The following ZMYND8 variants were observed in gnomAD, a reference collection of about 807,000 sequenced individuals.
ZMYND8 encodes MYND-type zinc finger-containing chromatin reader ZMYND8.
Under a neutral mutation model 140.8 loss-of-function variants are expected in ZMYND8, and 37 were observed. The observed-to-expected ratio is 0.26, with a 90% CI of 0.20 to 0.35. The LOEUF (loss-of-function observed/expected upper bound fraction) is 0.35. Among genes scored for constraint, ZMYND8 ranks in the 10% least tolerant of loss-of-function variants. ZMYND8 has a pLI of 1.00. For synonymous variants in ZMYND8, 592 were observed against 597.1 expected (o/e 0.99, Z 0.12); for missense variants, 1,068 against 1,570.0 (o/e 0.68, Z 5.40).
intron 16 of ZMYND8, among the ~76,000 whole-genome samples, chr20:47,232,777 C>T (rs923832729): frequency 2.6e-5 from 4 of 152,078 alleles, no homozygotes; most frequent in South Asian, 4.1e-4. Context: ...ATATCACTAA[C>T]GAAAAAATTA....
intron 2 of ZMYND8, among the ~76,000 whole-genome samples, chr20:47,339,395 C>T (rs906019983): frequency 1.3e-5 from 2 of 152,218 alleles, no homozygotes; most frequent in African/African-American, 4.8e-5. Flanking sequence ...ATTCTCACCA[C>T]CTGACAGACC....
chr20:47,304,280 T>C (rs577155115), intron 3 of ZMYND8, among the ~76,000 whole-genome samples: 7 of 152,338 alleles, frequency 4.6e-5, no homozygotes, highest in East Asian at 1.9e-4. Flanking sequence ...GCTTCTGGAA[T>C]ACCTTCAATG....
Position 47,277,595 on chromosome 20 carries a change from A to G in ZMYND8, c.999-800T>C, listed in dbSNP as rs147120123. Among the ~76,000 whole-genome samples, 894 of 152,324 alleles carry G rather than the reference A, an allele frequency of 5.9e-3. 1 individual carries two copies. The highest frequency in any genetic ancestry group is 0.014 in the Admixed American group (208 of 15,304). On this transcript the variant is annotated intron_variant, in intron 10 of 22. Coordinates refer to ENST00000471951, the MANE Select transcript of ZMYND8 (RefSeq NM_001281775.3). ...TTTCTGGCTGGAAAAACTGGCGAGA[A>G]TAAGCTTTCCAAGGAAGGCTTTTGT... is the stretch of plus-strand genomic sequence containing the variant.
intron 12 of ZMYND8, among the ~76,000 whole-genome samples, chr20:47,251,286 T>C (rs2074147212): frequency 6.6e-6 from 1 of 152,044 alleles, no homozygotes; most frequent in Non-Finnish European, 1.5e-5. Context: ...GGGTGAAGAA[T>C]GTGCAAATTT....
chr20:47,233,002 G>A (rs1045736095), intron 16 of ZMYND8, among the ~76,000 whole-genome samples: 28 of 151,206 alleles, frequency 1.9e-4, no homozygotes, highest in Middle Eastern at 6.8e-3. Flanking sequence ...CATCCCCTGG[G>A]TTCAAGCAAT....
At chr20:47,331,297 T>C (rs1388269523) in intron 2 of ZMYND8, among the ~76,000 whole-genome samples, 1 of 152,198 alleles carries the variant, frequency 6.6e-6, no homozygotes, top group Non-Finnish European at 1.5e-5. Context: ...GAGGCCACTG[T>C]AGTTCAATGG....
At chr20:47,257,347 TATACACACATAC>T (rs1196805681) in intron 12 of ZMYND8, among the ~76,000 whole-genome samples, 25 of 152,000 alleles carry the variant, frequency 1.6e-4, no homozygotes, top group Admixed American at 1.6e-3. Flanking sequence ...ACACTCACCA[TATACACACATAC>T]ATACACACAA....
At chr20:47,323,812 G>A (rs2080166613) in intron 2 of ZMYND8, among the ~76,000 whole-genome samples, 1 of 152,108 alleles carries the variant, frequency 6.6e-6, no homozygotes, top group Non-Finnish European at 1.5e-5. Context: ...AAGCTAGGGA[G>A]AGAGCTGGTC....
chr20:47,342,763 G>C (rs1175019288), intron 2 of ZMYND8, among the ~76,000 whole-genome samples: 1 of 150,146 alleles, frequency 6.7e-6, no homozygotes. Context: ...CAGAGGAATT[G>C]CTTGAACTAG....
intron 11 of ZMYND8, among the ~76,000 whole-genome samples, chr20:47,267,815 A>G (rs1055960419): frequency 6.6e-6 from 1 of 152,112 alleles, no homozygotes; most frequent in Non-Finnish European, 1.5e-5. Flanking sequence ...GTCTGTTCAC[A>G]CCTCAAGCCT....
chr20:47,303,308 C>T (rs1343213451), intron 3 of ZMYND8, among the ~76,000 whole-genome samples: 2 of 152,082 alleles, frequency 1.3e-5, no homozygotes, highest in Non-Finnish European at 2.9e-5. Flanking sequence ...ATTTCTACCC[C>T]GAGTGAGGTC....
chr20:47,301,308 C>A (rs755003174), intron 3 of ZMYND8, among the ~76,000 whole-genome samples: 9 of 151,920 alleles, frequency 5.9e-5, no homozygotes, highest in Non-Finnish European at 1.2e-4. Flanking sequence ...GCACCCACCA[C>A]CACGCCCAGG....
chr20:47,308,283 A>G lies in ZMYND8; in HGVS notation c.234+1773T>C, dbSNP rs1487857024. 2.8e-5 allele frequency among the ~76,000 whole-genome samples: 4 copies of G among 142,424 alleles called. No homozygotes were observed. The East Asian group carries it at 8.5e-4, about 30-fold the overall frequency. The allele number at this position is 142,424 out of a possible 152,430, so 93.4% of individuals were successfully genotyped here. On this transcript the variant is annotated intron_variant, in intron 3 of 22. Transcript: ENST00000471951. ...GCCCAGGCTGGAGTGCAATTATATG[A>G]TCTCAGCTCACTGCAACCTCCGCCT... is the stretch of plus-strand genomic sequence containing the variant.
intron 11 of ZMYND8, among the ~76,000 whole-genome samples, chr20:47,268,076 T>C (rs1023831317): frequency 6.6e-6 from 1 of 152,162 alleles, no homozygotes; most frequent in African/African-American, 2.4e-5. Flanking sequence ...AGGTGCATAA[T>C]ACATTCACTG....
chr20:47,241,061 C>T (rs983480545), intron 14 of ZMYND8, among the ~76,000 whole-genome samples: 1 of 151,662 alleles, frequency 6.6e-6, no homozygotes, highest in South Asian at 2.1e-4. Context: ...TTTGGGAGGC[C>T]GAGGCGGGCA....
At chr20:47,344,956 A>AG (rs1441800988) in intron 2 of ZMYND8, among the ~76,000 whole-genome samples, 1 of 152,082 alleles carries the variant, frequency 6.6e-6, no homozygotes, top group African/African-American at 2.4e-5. Context: ...CTACAAAAAA[A>AG]AAATTTTTTT....
At chr20:47,214,382 G>A (rs8114205) in intron 21 of ZMYND8, among the ~76,000 whole-genome samples, 8,226 of 152,236 alleles carry the variant, frequency 0.054, 685 homozygotes, top group African/African-American at 0.18. Flanking sequence ...GAATCACTGC[G>A]GCACTGACTG....
At chr20:47,283,105 C>G (rs1182621935) in intron 9 of ZMYND8, among the ~76,000 whole-genome samples, 1 of 152,196 alleles carries the variant, frequency 6.6e-6, no homozygotes, top group East Asian at 1.9e-4. Context: ...TGCAGAACCC[C>G]AGCTTGGAGA....
chr20:47,231,572 C>T (rs753379579), intron 16 of ZMYND8, among the ~76,000 whole-genome samples: 51 of 152,190 alleles, frequency 3.4e-4, no homozygotes, highest in Non-Finnish European at 6.3e-4. Context: ...TATGCAATTG[C>T]GTAATTGCTG....
Sources: allele counts gnomAD v4.1 joint callset (sites outside exome capture counted in the v4.1 genomes callset), GRCh38; gene constraint gnomAD v4.1.1; transcripts MANE v1.5; gene names NCBI Gene and HGNC (gene_info 2026-07-23, HGNC 2026-07-21).